The following CMTM7 variants were observed in gnomAD, a reference collection of about 807,000 sequenced individuals.
CMTM7 encodes the protein CKLF like MARVEL transmembrane domain containing 7, also known as CKLF-like MARVEL transmembrane domain-containing protein 7.
A neutral mutation model predicts 19.3 loss-of-function variants in CMTM7; 7 were observed. The observed-to-expected ratio is 0.36, with a 90% CI of 0.21 to 0.68. The LOEUF is 0.68. CMTM7 is among the 30% of genes least tolerant of loss of function. The pLI is 0.60. For missense variants in CMTM7, 193 were observed against 232.6 expected, an observed-to-expected ratio of 0.83 and a Z score of 1.11; for synonymous variants, 87 against 99.3, an observed-to-expected ratio of 0.88 and a Z score of 0.74.
At chr3:32,405,294 A>T (rs183565644) in intron 1 of CMTM7, among the ~76,000 whole-genome samples, 1 of 152,364 alleles carries the variant, frequency 6.6e-6, no homozygotes, top group African/African-American at 2.4e-5. Flanking sequence ...AGCAGTAGAT[A>T]ACTAACGCAG....
chr3:32,417,162 C>T (rs903952975), intron 1 of CMTM7, among the ~76,000 whole-genome samples: 5 of 152,168 alleles, frequency 3.3e-5, no homozygotes, highest in East Asian at 1.9e-4. Flanking sequence ...GTTATAGATC[C>T]GTCACCACAG....
At chr3:32,398,524 C>T (rs1305127215) in intron 1 of CMTM7, among the ~76,000 whole-genome samples, 1 of 151,890 alleles carries the variant, frequency 6.6e-6, no homozygotes, top group Non-Finnish European at 1.5e-5. Flanking sequence ...AAACATTAAT[C>T]AAAATGGTTA....
intron 1 of CMTM7, among the ~76,000 whole-genome samples, chr3:32,432,391 C>A (rs989949906): frequency 2.0e-5 from 3 of 152,200 alleles, no homozygotes; most frequent in African/African-American, 7.2e-5. Context: ...TGGCCCTGAC[C>A]CCCAGACATC....
chr3:32,406,329 T>C (rs1201900790), intron 1 of CMTM7, among the ~76,000 whole-genome samples: 3 of 152,242 alleles, frequency 2.0e-5, no homozygotes, highest in African/African-American at 4.8e-5. Flanking sequence ...TATCATAGTC[T>C]TGTGTATGTA....
chr3:32,431,393 A>G (rs1696516538), intron 1 of CMTM7, among the ~76,000 whole-genome samples: 1 of 152,170 alleles, frequency 6.6e-6, no homozygotes, highest in Non-Finnish European at 1.5e-5. Context: ...TATTGATTCT[A>G]TAATTGGAGT....
chr3:32,424,637 G>T (rs901027600), intron 1 of CMTM7, among the ~76,000 whole-genome samples: 1 of 144,738 alleles, frequency 6.9e-6, no homozygotes, highest in Non-Finnish European at 1.5e-5. Flanking sequence ...TTGGGGAAAG[G>T]TTTTTTTTTT....
chr3:32,412,793 T>C (rs1313267034), intron 1 of CMTM7, among the ~76,000 whole-genome samples: 3 of 152,214 alleles, frequency 2.0e-5, no homozygotes, highest in African/African-American at 7.2e-5. Context: ...GCAGGGCTGT[T>C]ACCCTACTGA....
chr3:32,392,431 A>G (rs1695851214), intron 1 of CMTM7, among the ~76,000 whole-genome samples: 1 of 152,216 alleles, frequency 6.6e-6, no homozygotes, highest in Non-Finnish European at 1.5e-5. Flanking sequence ...TTCGAACCCG[A>G]GCCGGGGGTG....
chr3:32,403,107 TC>T (rs1229380111), intron 1 of CMTM7, among the ~76,000 whole-genome samples: 3 of 152,250 alleles, frequency 2.0e-5, no homozygotes, highest in African/African-American at 7.2e-5. Context: ...AAACGTTTCC[TC>T]TTAAGTTATG....
intron 1 of CMTM7, among the ~76,000 whole-genome samples, chr3:32,407,881 T>TG (rs1180359113): frequency 6.6e-6 from 1 of 152,210 alleles, no homozygotes; most frequent in Non-Finnish European, 1.5e-5. Context: ...GGATAAAAGA[T>TG]TATTTTCTAG....
chr3:32,450,508 C>G (rs1221580229), intron 3 of CMTM7, among the ~76,000 whole-genome samples: 1 of 152,176 alleles, frequency 6.6e-6, no homozygotes, highest in Non-Finnish European at 1.5e-5. Context: ...GGGTTGGCTC[C>G]TGGAATTCCA....
chr3:32,394,386 GGTT>G (rs1277874338), intron 1 of CMTM7, among the ~76,000 whole-genome samples: 1 of 152,158 alleles, frequency 6.6e-6, no homozygotes, highest in Non-Finnish European at 1.5e-5. Flanking sequence ...ATACTGAACA[GGTT>G]GACCCTTTTG....
chr3:32,452,511 G>A (rs1696852640), intron 4 of CMTM7, 38 bp downstream of exon 4: 1 of 1,599,724 alleles, frequency 6.3e-7, no homozygotes. Context: ...GATCTCTCAG[G>A]AACAGGGGGA....
intron 1 of CMTM7, among the ~76,000 whole-genome samples, chr3:32,408,143 C>A (rs545794452): frequency 6.6e-6 from 1 of 152,278 alleles, no homozygotes; most frequent in African/African-American, 2.4e-5. Context: ...AAGTCTCTCC[C>A]AGAGTCTCCG....
chr3:32,422,772 C>A (rs946658687), intron 1 of CMTM7, among the ~76,000 whole-genome samples: 1 of 152,126 alleles, frequency 6.6e-6, no homozygotes, highest in African/African-American at 2.4e-5. Flanking sequence ...CATTTAATAC[C>A]CTCAACCTAC....
Position 32,449,488 on chromosome 3 carries a change from T to G in CMTM7, c.368T>G (p.Leu123Arg). 2.5e-6 allele frequency: 4 copies of G among 1,614,146 alleles called. No individual in the cohort carries two copies. Among genetic ancestry groups the G allele is most frequent in the Non-Finnish European group, 2.5e-6 (3 of 1,179,974 alleles). Residue 123 changes from leucine (L) to arginine (R), a missense_variant, in exon 3 of 5, where the codon CTC becomes CGC. Physicochemically the swap from Leu to Arg is moderately radical, Grantham distance 102 (BLOSUM62 -2). Transcript: ENST00000334983. The surrounding 1 kb of genome is among the most constrained non-coding windows in gnomAD (Gnocchi z 4.5). ...CACTATTTAATCGGTACCCTGCTCC[T>G]CCTCATCGCCTCCATTGTGGCAGCT... ...LLHYLIGTLL[L>R]LIASIVAASK...
chr3:32,441,696 G>A lies in CMTM7; in HGVS notation c.160-144G>A, dbSNP rs1575124014. Reference sequence around the variant, plus strand: ...TTGCAGTCTTCCAACCTTCCAGCCAGTGTGTATGGAAATAACCTGAATTGT... The same window carrying A: ...TTGCAGTCTTCCAACCTTCCAGCCAATGTGTATGGAAATAACCTGAATTGT... On this transcript the variant is annotated intron_variant, in intron 1 of 4. Coordinates refer to ENST00000334983, the MANE Select transcript of CMTM7 (RefSeq NM_138410.4). 3 of 685,380 alleles carry A rather than the reference G, an allele frequency of 4.4e-6. No individual in the cohort carries two copies. The East Asian group carries it at 7.8e-5, about 18-fold the overall frequency. The allele number at this position is 685,380 out of a possible 1,614,324, so 42.5% of individuals were successfully genotyped here.
chr3:32,403,002 C>A (rs1696032718), intron 1 of CMTM7, among the ~76,000 whole-genome samples: 1 of 152,196 alleles, frequency 6.6e-6, no homozygotes, highest in South Asian at 2.1e-4. Flanking sequence ...ATCGTGACTT[C>A]TGAATACTTT....
At chr3:32,395,506 A>G (rs1695902379) in intron 1 of CMTM7, among the ~76,000 whole-genome samples, 1 of 152,262 alleles carries the variant, frequency 6.6e-6, no homozygotes, top group Non-Finnish European at 1.5e-5. Context: ...GAACCGATCC[A>G]GGCCTAATGG....
Sources: allele counts gnomAD v4.1 joint callset (sites outside exome capture counted in the v4.1 genomes callset), GRCh38; gene constraint gnomAD v4.1.1; non-coding constraint Gnocchi (gnomAD v3.1); transcripts MANE v1.5; gene names NCBI Gene and HGNC (gene_info 2026-07-23, HGNC 2026-07-21).